NR2C2: variants seen among roughly 807,000 people sequenced by gnomAD.
The protein encoded by NR2C2 is nuclear receptor subfamily 2 group C member 2, also known as Nuclear hormone receptor TR4.
In NR2C2, 6 loss-of-function variants were observed where a neutral mutation model predicts 62.9. That is an observed-to-expected ratio of 0.10 (90% CI 0.05 to 0.19). The LOEUF is 0.19. NR2C2 is among the 10% of genes least tolerant of loss of function. The probability of loss-of-function intolerance (pLI) is 1.00; values close to 1 mark genes in which losing one functional copy is unlikely to be tolerated. For synonymous variants in NR2C2, 272 were observed against 273.8 expected, an observed-to-expected ratio of 0.99 and a Z score of 0.07; for missense variants, 479 against 762.7, an observed-to-expected ratio of 0.63 and a Z score of 4.38.
chr3:14,981,943 A>T lies in NR2C2; in HGVS notation c.-39-21933A>T, dbSNP rs182874687. ...TTTTATCCTAGCTGGGCTGGCAGCT[A>T]ACTAGATGGTGCTTTCTCAGATTGA... On this transcript the variant is annotated intron_variant, in intron 1 of 13. Coordinates refer to ENST00000425241, the MANE Select transcript of NR2C2 (RefSeq NM_001291694.2). 1.1e-3 allele frequency among the ~76,000 whole-genome samples: 175 copies of T among 152,310 alleles called. 3 individuals are homozygous for T. The highest frequency in any genetic ancestry group is 4.4e-4 in the Non-Finnish European group (30 of 68,016).
At chr3:14,978,998 T>C (rs1472395206) in intron 1 of NR2C2, among the ~76,000 whole-genome samples, 2 of 152,172 alleles carry the variant, frequency 1.3e-5, no homozygotes, top group Admixed American at 6.5e-5. Flanking sequence ...GGTTCTGGGG[T>C]GAAAATTAGC....
intron 1 of NR2C2, among the ~76,000 whole-genome samples, chr3:14,949,850 C>G (rs1300248810): frequency 6.6e-6 from 1 of 152,184 alleles, no homozygotes; most frequent in Non-Finnish European, 1.5e-5. Context: ...TGAGTTCTCT[C>G]TTTCTCTCTC....
At chr3:15,042,771 T>C in intron 13 of NR2C2, 63 bp from the exon 14 acceptor site, 1 of 1,514,762 alleles carries the variant, frequency 6.6e-7, no homozygotes, top group Non-Finnish European at 9.0e-7. Flanking sequence ...CCAGGAGCCT[T>C]TGCTGAGCTG....
rs761331134 is a variant in NR2C2, at chr3:15,042,850, G to A, written c.1633G>A (p.Val545Ile). 5 of 1,613,836 alleles carry A rather than the reference G, an allele frequency of 3.1e-6. No individual in the cohort carries two copies. Among genetic ancestry groups the A allele is most frequent in the East Asian group, 2.2e-5 (1 of 44,892 alleles). Residue 545 changes from valine (V) to isoleucine (I), a missense_variant, in exon 14 of 14, where the codon GTT becomes ATT. Physicochemically the swap from Val to Ile is conservative, Grantham distance 29. Transcript: ENST00000425241. The part of the protein sequence containing the change: ...EDTYRLARIL[V>I]RLPALRLMSS... ...CTTTTATAGATTGGCCCGGATCCTC[G>A]TTCGCCTGCCGGCACTCAGGCTGAT... is the stretch of plus-strand genomic sequence containing the variant.
intron 2 of NR2C2, among the ~76,000 whole-genome samples, chr3:15,011,712 A>T (rs1191098640): frequency 6.6e-6 from 1 of 152,146 alleles, no homozygotes; most frequent in Non-Finnish European, 1.5e-5. Context: ...TAATCAGCTG[A>T]GTATTCATTC....
intron 1 of NR2C2, among the ~76,000 whole-genome samples, chr3:14,991,607 G>T (rs1216972860): frequency 6.6e-6 from 1 of 152,130 alleles, no homozygotes; most frequent in Non-Finnish European, 1.5e-5. Context: ...TTTTCACAGA[G>T]TGTAACTCTG....
intron 1 of NR2C2, among the ~76,000 whole-genome samples, chr3:14,980,928 T>C (rs1283315882): frequency 1.3e-5 from 2 of 152,330 alleles, no homozygotes; most frequent in Admixed American, 1.3e-4. Context: ...TTCTGGCCAG[T>C]ATACTTTGCA....
chr3:14,975,176 G>A (rs1488744763), intron 1 of NR2C2, among the ~76,000 whole-genome samples: 3 of 152,088 alleles, frequency 2.0e-5, no homozygotes, highest in Non-Finnish European at 2.9e-5. Context: ...TGTGAATGAG[G>A]GATAATTTTA....
intron 1 of NR2C2, among the ~76,000 whole-genome samples, chr3:14,999,457 C>T (rs1234979936): frequency 6.6e-6 from 1 of 152,112 alleles, no homozygotes; most frequent in Non-Finnish European, 1.5e-5. Context: ...TGCTACTGCG[C>T]TCTAGCACAG....
At chr3:15,037,303 T>C (rs533832575) in intron 11 of NR2C2, among the ~76,000 whole-genome samples, 2 of 152,176 alleles carry the variant, frequency 1.3e-5, no homozygotes, top group Admixed American at 6.5e-5. Context: ...ACTCCTGGCC[T>C]CAAGCAGGCC....
Position 15,044,020 on chromosome 3 carries a change from G to A in NR2C2, c.*1012G>A, listed in dbSNP as rs1450347520. 6.6e-6 allele frequency: 1 copy of A among 152,210 alleles called. No individual in the cohort carries two copies. The highest frequency in any genetic ancestry group is 2.4e-5 in the African/African-American group (1 of 41,448). The allele number at this position is 152,210 out of a possible 1,614,324, so 9.4% of individuals were successfully genotyped here. ...GTGCTTGTGTGTTTGTCCAGATGGA[G>A]GAGTGTGGCCTTGGAGTGTGAGCGT... On this transcript the variant is annotated 3_prime_UTR_variant, in exon 14 of 14. Transcript: ENST00000425241.
At chr3:14,986,302 T>C (rs750773273) in intron 1 of NR2C2, among the ~76,000 whole-genome samples, 25 of 152,168 alleles carry the variant, frequency 1.6e-4, no homozygotes, top group Non-Finnish European at 2.2e-4. Context: ...AAAGATGATA[T>C]GACAAGTCAC....
At chr3:14,968,806 TA>T (rs1380378743) in intron 1 of NR2C2, among the ~76,000 whole-genome samples, 1 of 139,354 alleles carries the variant, frequency 7.2e-6, no homozygotes, top group African/African-American at 2.8e-5. Context: ...TATGCAGCCA[TA>T]AAAAATGATG....
intron 1 of NR2C2, among the ~76,000 whole-genome samples, chr3:14,953,486 G>C (rs111778531): frequency 6.6e-6 from 1 of 152,188 alleles, no homozygotes; most frequent in Non-Finnish European, 1.5e-5. Flanking sequence ...AAGCCTGAAG[G>C]CTTCCTGGTT....
intron 2 of NR2C2, among the ~76,000 whole-genome samples, chr3:15,009,598 T>C (rs1347848038): frequency 6.6e-6 from 1 of 152,238 alleles, no homozygotes. Context: ...ACATATCTTC[T>C]TAACGTTACT....
At chr3:15,017,164 A>G (rs1265054907) in intron 4 of NR2C2, among the ~76,000 whole-genome samples, 1 of 152,158 alleles carries the variant, frequency 6.6e-6, no homozygotes, top group African/African-American at 2.4e-5. Flanking sequence ...TTAGGAAGAC[A>G]GCCCCAAGCA....
At chr3:15,027,748 C>T (rs2041863430) in intron 7 of NR2C2, among the ~76,000 whole-genome samples, 1 of 152,148 alleles carries the variant, frequency 6.6e-6, no homozygotes, top group Non-Finnish European at 1.5e-5. Context: ...CAGGCACACA[C>T]CACCACGCCT....
chr3:15,012,379 C>T (rs2041380694), intron 2 of NR2C2, among the ~76,000 whole-genome samples: 1 of 152,110 alleles, frequency 6.6e-6, no homozygotes, highest in Non-Finnish European at 1.5e-5. Context: ...GCGCCCATCA[C>T]CACGCCCAGC....
At chr3:14,951,979 C>G (rs148034358) in intron 1 of NR2C2, among the ~76,000 whole-genome samples, 2,089 of 152,266 alleles carry the variant, frequency 0.014, 18 homozygotes, top group Middle Eastern at 0.027. Flanking sequence ...AACTCCTGAC[C>G]TCGTGATCCG....
Sources: gnomAD v4.1 joint callset for allele counts (sites outside exome capture counted in the v4.1 genomes callset) on GRCh38, gnomAD v4.1.1 for gene constraint, MANE v1.5 for transcripts, NCBI Gene and HGNC (gene_info 2026-07-23, HGNC 2026-07-21) for gene names.